The following OCRL variants were observed in gnomAD, a reference collection of about 807,000 sequenced individuals.
OCRL encodes the protein OCRL inositol polyphosphate-5-phosphatase.
Under a neutral mutation model 78.9 loss-of-function variants are expected in OCRL, and 8 were observed. The observed-to-expected ratio is 0.10, with a 90% CI of 0.06 to 0.18. The LOEUF is 0.18. Among genes scored for constraint, OCRL ranks in the 10% least tolerant of loss-of-function variants. The pLI, the probability that OCRL is intolerant of heterozygous loss-of-function variation, is 1.00. For missense variants in OCRL, 454 were observed against 696.7 expected (o/e 0.65, Z 3.92); for synonymous variants, 240 against 235.4 (o/e 1.02, Z -0.18).
At chrX:129,565,591 A>G (rs1364814467) in intron 12 of OCRL, among the ~76,000 whole-genome samples, 181 bp from the exon 13 acceptor site, 1 of 111,729 alleles carries the variant, frequency 9.0e-6, no homozygotes, top group Non-Finnish European at 1.9e-5. Context: ...TTTGTAATCC[A>G]TTGTCTCTCT....
intron 4 of OCRL, among the ~76,000 whole-genome samples, chrX:129,550,792 A>C (rs1935948872): frequency 9.0e-6 from 1 of 111,405 alleles, no homozygotes; most frequent in South Asian, 3.7e-4. Context: ...CTTTTCTAGT[A>C]GCTACTATCG....
Position 129,546,070 on chromosome X carries a change from C to CT in OCRL, c.199+1042dup, listed in dbSNP as rs200998782. On this transcript the variant is annotated intron_variant, in intron 3 of 23. Transcript: ENST00000371113. ...GGATTATTTCTTAAACTACATTGAACTTTTTTTTTAATCACTAAGTGACAT... is the reference window on the plus strand; with the variant it reads ...GGATTATTTCTTAAACTACATTGAACTTTTTTTTTTAATCACTAAGTGACAT... Among the ~76,000 whole-genome samples, 443 of 110,731 alleles carry CT rather than the reference C, an allele frequency of 4.0e-3. 4 individuals carry two copies. The highest frequency in any genetic ancestry group is 0.014 in the African/African-American group (416 of 30,403).
chrX:129,543,100 A>G (rs1935833427), intron 2 of OCRL, among the ~76,000 whole-genome samples: 1 of 112,177 alleles, frequency 8.9e-6, no homozygotes, highest in Admixed American at 9.4e-5. Context: ...GTTGGCATTC[A>G]GGATTTGTCA....
rs1254576670 is a variant in OCRL, at chrX:129,562,639, A to G, written c.1097A>G (p.Asn366Ser). ...GTAGCTGTGAGATTTGTATTTCACA[A>G]CACCACCTTTTGCATTGTCAATTCC... ...GGVAVRFVFH[N>S]TTFCIVNSHL... is the part of the protein sequence containing the mutation. Residue 366 changes from asparagine (N) to serine (S), a missense_variant, in exon 12 of 24, where the codon AAC (asparagine) becomes AGC (serine). Coordinates refer to ENST00000371113, the MANE Select transcript of OCRL (RefSeq NM_000276.4). 4 of 1,211,673 alleles carry G rather than the reference A, an allele frequency of 3.3e-6. No individual in the cohort carries two copies. Among genetic ancestry groups the G allele is most frequent in the African/African-American group, 1.7e-5 (1 of 57,871 alleles).
At chrX:129,550,212 TAA>T (rs1409542997) in intron 4 of OCRL, among the ~76,000 whole-genome samples, 1 of 112,526 alleles carries the variant, frequency 8.9e-6, no homozygotes, top group Non-Finnish European at 1.9e-5. Context: ...AGTATCAAAT[TAA>T]GATTATTTTC....
chrX:129,545,822 C>G (rs187355263), intron 3 of OCRL, among the ~76,000 whole-genome samples: 23 of 111,715 alleles, frequency 2.1e-4, no homozygotes, highest in Admixed American at 2.0e-3. Flanking sequence ...TCAAGTGATC[C>G]TCCCACTTCA....
Position 129,589,006 on chromosome X carries a change from G to A in OCRL, c.2462G>A (p.Cys821Tyr). 8.3e-7 allele frequency: 1 copy of A among 1,211,501 alleles called. No homozygotes were observed. Among genetic ancestry groups the A allele is most frequent in the Non-Finnish European group, 1.1e-6 (1 of 895,340 alleles). Residue 821 changes from cysteine (C) to tyrosine (Y), a missense_variant, in exon 22 of 24, where the codon TGC (cysteine) becomes TAC (tyrosine). Coordinates refer to ENST00000371113, the MANE Select transcript of OCRL (RefSeq NM_000276.4). The part of the protein sequence containing the change: ...CLDSAYDPRI[C>Y]RQVISQLPRC... ...GACTCTGCTTATGATCCCCGGATCT[G>A]CCGACAGGTGGGTTCTACTGACCTG... is the stretch of plus-strand genomic sequence containing the variant.
chrX:129,577,963 C>T (rs1377183633), intron 18 of OCRL, among the ~76,000 whole-genome samples: 1 of 111,545 alleles, frequency 9.0e-6, no homozygotes, highest in Non-Finnish European at 1.9e-5. Flanking sequence ...TCCCAGCTTT[C>T]TTTGTTTCAG....
rs866494878 is a variant in OCRL at position 129,542,329 on chromosome X, A to G, written c.119+1506A>G. Among the ~76,000 whole-genome samples, 22 of 110,252 alleles carry G rather than the reference A, an allele frequency of 2.0e-4. No individual in the cohort carries two copies. In the South Asian group the frequency reaches 4.6e-3, roughly 23 times the overall value. ...TGCTATATAACTAACATTAATATATAGGTAACACTATATAACAACTATATA... is the reference window on the plus strand; with the variant it reads ...TGCTATATAACTAACATTAATATATGGGTAACACTATATAACAACTATATA... On this transcript the variant is annotated intron_variant, in intron 2 of 23. Transcript: ENST00000371113.
chrX:129,572,824 C>T (rs1289096826), intron 15 of OCRL, among the ~76,000 whole-genome samples: 2 of 111,444 alleles, frequency 1.8e-5, no homozygotes, highest in African/African-American at 6.5e-5. Flanking sequence ...TTAAGACATA[C>T]TCAAGTTGAT....
intron 2 of OCRL, among the ~76,000 whole-genome samples, chrX:129,543,533 C>A (rs1935837918): frequency 8.8e-6 from 1 of 113,207 alleles, no homozygotes. Context: ...CATGAACTTT[C>A]CAGATGGAAA....
In OCRL at chrX:129,548,600, CAG is replaced by C; in HGVS notation, c.238_238+1del. 1 of 1,192,373 alleles carries C rather than the reference CAG, an allele frequency of 8.4e-7. No individual in the cohort carries two copies. Among genetic ancestry groups the C allele is most frequent in the Non-Finnish European group, 1.1e-6 (1 of 878,390 alleles). ...CTCTTTTGATTGACATAGCTTCTAA[CAG>C]TGAGTATCTTTCTGAATGTGCTTGA... On this transcript the variant is annotated splice_donor_variant and coding_sequence_variant, in exon 4 of 24. Coordinates refer to ENST00000371113, the MANE Select transcript of OCRL (RefSeq NM_000276.4). LOFTEE classifies it high-confidence loss of function.
At chrX:129,575,549 A>T (rs1441388907) in intron 16 of OCRL, 1 of 382,850 alleles carries the variant, frequency 2.6e-6, no homozygotes. Flanking sequence ...CCGCTGTTAG[A>T]TGCTCTTATT....
chrX:129,588,972 C>G lies in OCRL; in HGVS notation c.2428C>G (p.Arg810Gly). ...EPVICYELYQRCLDSAYDPRI... is the reference protein window; with the variant it reads ...EPVICYELYQGCLDSAYDPRI... ...AGTCATCTGTTACGAGCTGTATCAG[C>G]GATGTCTTGACTCTGCTTATGATCC... The change falls in exon 22 of 24, where the codon CGA becomes GGA. Residue 810 changes from arginine to glycine, a missense_variant. Transcript: ENST00000371113. 1 of 1,211,297 alleles carries G rather than the reference C, an allele frequency of 8.3e-7. No individual in the cohort carries two copies. The highest frequency in any genetic ancestry group is 1.7e-5 in the African/African-American group (1 of 57,835).
intron 19 of OCRL, among the ~76,000 whole-genome samples, chrX:129,585,218 T>C (rs1404227453): frequency 4.4e-5 from 5 of 112,588 alleles, no homozygotes; most frequent in Non-Finnish European, 7.5e-5. Flanking sequence ...CATATTATCA[T>C]ACAGGAATTT....
At chrX:129,580,936 G>T (rs1404410050) in intron 18 of OCRL, among the ~76,000 whole-genome samples, 1 of 111,846 alleles carries the variant, frequency 8.9e-6, no homozygotes, top group Admixed American at 9.4e-5. Flanking sequence ...CACAATCTTG[G>T]CTCACTGCAA....
intron 3 of OCRL, among the ~76,000 whole-genome samples, chrX:129,548,301 C>T (rs1166558888): frequency 8.9e-6 from 1 of 111,920 alleles, no homozygotes; most frequent in African/African-American, 3.3e-5. Flanking sequence ...ATTTCTCATT[C>T]GTTGATTTGC....
chrX:129,542,509 A>G (rs779368153), intron 2 of OCRL, among the ~76,000 whole-genome samples: 4 of 107,078 alleles, frequency 3.7e-5, no homozygotes, highest in Non-Finnish European at 7.6e-5. Context: ...TTGTTGCTAT[A>G]TAACTAACAT....
chrX:129,582,969 T>C (rs1382177241), intron 18 of OCRL, among the ~76,000 whole-genome samples: 1 of 111,543 alleles, frequency 9.0e-6, no homozygotes, highest in Non-Finnish European at 1.9e-5. Context: ...TAGACTTGAG[T>C]GCTTAGTGGT....
Sources: gnomAD v4.1 joint callset for allele counts (sites outside exome capture counted in the v4.1 genomes callset) on GRCh38, gnomAD v4.1.1 for gene constraint, MANE v1.5 for transcripts, NCBI Gene and HGNC (gene_info 2026-07-23, HGNC 2026-07-21) for gene names.